The following MYO3B variants were observed in gnomAD, a reference collection of about 807,000 sequenced individuals.
The protein encoded by MYO3B is myosin-IIIb.
In MYO3B, 156 loss-of-function variants were observed where a neutral mutation model predicts 174.6. That is an observed-to-expected ratio of 0.89 (90% CI 0.78 to 1.02). The LOEUF (loss-of-function observed/expected upper bound fraction) is 1.02, where lower values mean the gene tolerates loss of function less well. Among genes scored for constraint, MYO3B ranks in the 50% least tolerant of loss-of-function variants. MYO3B has a pLI of 0.00. For missense variants in MYO3B, 1,632 were observed against 1,639.4 expected, an observed-to-expected ratio of 1.00 and a Z score of 0.08; for synonymous variants, 563 against 569.1, an observed-to-expected ratio of 0.99 and a Z score of 0.15.
chr2:170,574,076 C>A (rs1203230822), intron 32 of MYO3B, among the ~76,000 whole-genome samples: 2 of 152,124 alleles, frequency 1.3e-5, no homozygotes, highest in Admixed American at 6.5e-5. Flanking sequence ...GCTCCCACCC[C>A]ACACTGCTTC....
At chr2:170,325,059 C>G (rs1455006158) in intron 7 of MYO3B, among the ~76,000 whole-genome samples, 2 of 152,104 alleles carry the variant, frequency 1.3e-5, no homozygotes, top group African/African-American at 4.8e-5. Flanking sequence ...GGGGCAGGGG[C>G]TCTTCCAAAT....
intron 16 of MYO3B, among the ~76,000 whole-genome samples, chr2:170,395,261 C>G (rs777767474): frequency 2.0e-5 from 3 of 152,146 alleles, no homozygotes; most frequent in Non-Finnish European, 4.4e-5. Context: ...TGCTTTTCAA[C>G]TCTTATTTCT....
At chr2:170,595,163 A>G (rs1209742796) in intron 32 of MYO3B, among the ~76,000 whole-genome samples, 1 of 152,124 alleles carries the variant, frequency 6.6e-6, no homozygotes, top group Non-Finnish European at 1.5e-5. Flanking sequence ...AACGGTAACC[A>G]TCGTTTTGCA....
intron 32 of MYO3B, among the ~76,000 whole-genome samples, chr2:170,573,665 T>G (rs1406000556): frequency 2.0e-5 from 3 of 152,154 alleles, no homozygotes; most frequent in African/African-American, 7.2e-5. Flanking sequence ...GGGAATGACT[T>G]TCTCAGCACA....
At chr2:170,574,438 G>C (rs540619493) in intron 32 of MYO3B, among the ~76,000 whole-genome samples, 1 of 152,264 alleles carries the variant, frequency 6.6e-6, no homozygotes, top group East Asian at 1.9e-4. Context: ...CTACTTTAAA[G>C]AGGGTGTCTG....
At chr2:170,253,615 G>T (rs1455861507) in intron 7 of MYO3B, among the ~76,000 whole-genome samples, 4 of 152,110 alleles carry the variant, frequency 2.6e-5, no homozygotes, top group Admixed American at 1.3e-4. Flanking sequence ...CAGTGGGTGT[G>T]TGTAAAGAAG....
chr2:170,361,049 T>C lies in MYO3B; in HGVS notation c.816-8173T>C, dbSNP rs562254882. Among the ~76,000 whole-genome samples the C allele has an allele frequency of 4.6e-5, 7 of 152,346 alleles. 1 individual carries two copies. The highest frequency in any genetic ancestry group is 1.7e-4 in the African/African-American group (7 of 41,588). On this transcript the variant is annotated intron_variant, in intron 8 of 34. Transcript: ENST00000408978. The stretch of plus-strand genomic sequence containing the variant: ...ATCAATAGGTGTACCACAGCTATCT[T>C]CCTCCAATGGACTGACTGACTGTAT...
intron 25 of MYO3B, among the ~76,000 whole-genome samples, chr2:170,467,209 T>A (rs1324282583): frequency 6.6e-6 from 1 of 152,138 alleles, no homozygotes; most frequent in Non-Finnish European, 1.5e-5. Context: ...TCTATTATCA[T>A]CCCCATTTTA....
At chr2:170,317,103 A>C (rs2093780956) in intron 7 of MYO3B, among the ~76,000 whole-genome samples, 1 of 152,174 alleles carries the variant, frequency 6.6e-6, no homozygotes, top group Non-Finnish European at 1.5e-5. Flanking sequence ...ACTTAGATGG[A>C]ATAGCAGGGA....
At chr2:170,223,180 C>T (rs1227639133) in intron 6 of MYO3B, among the ~76,000 whole-genome samples, 1 of 152,104 alleles carries the variant, frequency 6.6e-6, no homozygotes, top group Non-Finnish European at 1.5e-5. Flanking sequence ...ATAGTCACTT[C>T]CTTGAACCTT....
chr2:170,403,889 A>G (rs1377407078), intron 19 of MYO3B, among the ~76,000 whole-genome samples: 1 of 152,062 alleles, frequency 6.6e-6, no homozygotes, highest in Non-Finnish European at 1.5e-5. Context: ...CCTTTGTCGA[A>G]CTCCTTGCAG....
intron 32 of MYO3B, among the ~76,000 whole-genome samples, chr2:170,544,975 C>T (rs184841553): frequency 1.2e-3 from 176 of 152,142 alleles, no homozygotes; most frequent in African/African-American, 4.1e-3. Context: ...ATTCATTATG[C>T]GAGAGTTTGG....
intron 25 of MYO3B, among the ~76,000 whole-genome samples, chr2:170,490,165 A>G (rs1686368095): frequency 6.6e-6 from 1 of 151,610 alleles, no homozygotes; most frequent in East Asian, 1.9e-4. Context: ...AGTAGCTGGG[A>G]CTACAAGCAT....
rs182940203 is a variant in MYO3B, at chr2:170,215,743, C to T, written c.526+915C>T. Among the ~76,000 whole-genome samples, 871 of 152,202 alleles carry T rather than the reference C, an allele frequency of 5.7e-3. 9 individuals are homozygous for T. Among genetic ancestry groups the T allele is most frequent in the Non-Finnish European group, 8.5e-3 (580 of 68,000 alleles). ...AGCAGAGGGAGCATTTTGTTTAAGT[C>T]TTATGCTCCTCTTTATAAGGAATGA... On this transcript the variant is annotated intron_variant, in intron 5 of 34. Coordinates refer to ENST00000408978, the MANE Select transcript of MYO3B (RefSeq NM_138995.5).
intron 25 of MYO3B, among the ~76,000 whole-genome samples, chr2:170,486,776 C>T (rs577886973): frequency 2.6e-5 from 4 of 152,228 alleles, no homozygotes; most frequent in Non-Finnish European, 5.9e-5. Context: ...TCCCCAGCTC[C>T]TGAAGTAGCC....
At chr2:170,592,766 G>A (rs914432360) in intron 32 of MYO3B, among the ~76,000 whole-genome samples, 1 of 152,126 alleles carries the variant, frequency 6.6e-6, no homozygotes, top group Non-Finnish European at 1.5e-5. Flanking sequence ...ATTTCTGACT[G>A]TTGGAATACA....
chr2:170,505,797 C>G (rs549804707), intron 28 of MYO3B, among the ~76,000 whole-genome samples: 1 of 152,240 alleles, frequency 6.6e-6, no homozygotes, highest in Non-Finnish European at 1.5e-5. Context: ...GGGGCTGGAA[C>G]CTTCTCCCAG....
intron 6 of MYO3B, 145 bp downstream of exon 6, chr2:170,217,540 G>A: frequency 1.4e-6 from 1 of 726,650 alleles, no homozygotes; most frequent in South Asian, 1.6e-5. Flanking sequence ...TACTAGTTTG[G>A]TCAGCGATGC....
chr2:170,425,688 A>C (rs556226404), intron 22 of MYO3B, among the ~76,000 whole-genome samples: 27 of 152,280 alleles, frequency 1.8e-4, no homozygotes, highest in African/African-American at 6.5e-4. Context: ...ACATCCTCTA[A>C]AATCAACTGG....
Sources: allele counts gnomAD v4.1 joint callset (sites outside exome capture counted in the v4.1 genomes callset), GRCh38; gene constraint gnomAD v4.1.1; transcripts MANE v1.5; gene names NCBI Gene and HGNC (gene_info 2026-07-23, HGNC 2026-07-21).